PTPRD: variants seen among roughly 807,000 people sequenced by gnomAD.
The protein encoded by PTPRD is receptor-type tyrosine-protein phosphatase delta.
A neutral mutation model predicts 214.5 loss-of-function variants in PTPRD; 34 were observed. The observed-to-expected ratio is 0.16, with a 90% confidence interval of 0.12 to 0.21. PTPRD has a LOEUF of 0.21. PTPRD is among the 10% of genes least tolerant of loss of function. PTPRD has a pLI of 1.00. For missense variants in PTPRD, 2,545 were observed against 2,398.7 expected, an observed-to-expected ratio of 1.06 and a Z score of -1.27; for synonymous variants, 1,128 against 845.7, an observed-to-expected ratio of 1.33 and a Z score of -5.79.
At chr9:9,631,290 C>T (rs1285936188) in intron 7 of PTPRD, among the ~76,000 whole-genome samples, 1 of 150,402 alleles carries the variant, frequency 6.6e-6, no homozygotes, top group Non-Finnish European at 1.5e-5. Flanking sequence ...AATGTTACTC[C>T]TAGGTATAAA....
intron 2 of PTPRD, among the ~76,000 whole-genome samples, chr9:10,523,678 G>C (rs906791220): frequency 1.4e-5 from 2 of 146,122 alleles, no homozygotes; most frequent in African/African-American, 2.5e-5. Flanking sequence ...GAGAGAGAGA[G>C]AGAAAGCGGC....
chr9:10,410,684 A>T (rs760836644), intron 2 of PTPRD, among the ~76,000 whole-genome samples: 4 of 151,828 alleles, frequency 2.6e-5, no homozygotes, highest in Non-Finnish European at 4.4e-5. Flanking sequence ...AAATAATAAC[A>T]TTGATTCAGA....
At chr9:8,388,492 T>C (rs919256953) in intron 37 of PTPRD, among the ~76,000 whole-genome samples, 3 of 152,224 alleles carry the variant, frequency 2.0e-5, no homozygotes, top group African/African-American at 7.2e-5. Context: ...CTTCAGATGC[T>C]ACAAAATGTA....
intron 3 of PTPRD, among the ~76,000 whole-genome samples, chr9:10,278,350 AC>A (rs2094853199): frequency 6.6e-6 from 1 of 152,230 alleles, no homozygotes; most frequent in African/African-American, 2.4e-5. Context: ...ACAGGCTTCC[AC>A]AGCTTTCTGG....
In PTPRD at chr9:10,315,157, T is replaced by C. The variant is rs554826284; in HGVS notation, c.-545+25806A>G. Among the ~76,000 whole-genome samples the C allele has an allele frequency of 5.3e-5, 8 of 152,124 alleles. No homozygotes were observed. In the East Asian group the frequency reaches 1.6e-3, roughly 30 times the overall value. ...TATGATTCATTTTTTATATGAGAGATCTAGCATGAATGGCTTGATTATTAT... is the reference window on the plus strand; with the variant it reads ...TATGATTCATTTTTTATATGAGAGACCTAGCATGAATGGCTTGATTATTAT... On this transcript the variant is annotated intron_variant, in intron 3 of 45. Transcript: ENST00000381196.
chr9:9,761,377 A>G (rs1050412629), intron 6 of PTPRD, among the ~76,000 whole-genome samples: 1 of 152,178 alleles, frequency 6.6e-6, no homozygotes, highest in Admixed American at 6.5e-5. Context: ...AGTATTGTTT[A>G]GGAAGAGGGT....
intron 19 of PTPRD, among the ~76,000 whole-genome samples, chr9:8,522,553 G>A (rs1180940438): frequency 6.6e-6 from 1 of 152,054 alleles, no homozygotes; most frequent in Non-Finnish European, 1.5e-5. Context: ...TCAAATTGAG[G>A]GACACTGGAT....
At chr9:8,764,776 C>A (rs569861213) in intron 11 of PTPRD, among the ~76,000 whole-genome samples, 2 of 150,136 alleles carry the variant, frequency 1.3e-5, no homozygotes, top group East Asian at 3.9e-4. Context: ...GGATGGGCAA[C>A]AGAGAGTTTG....
intron 9 of PTPRD, among the ~76,000 whole-genome samples, chr9:9,279,003 T>G (rs1946679567): frequency 6.6e-6 from 1 of 151,174 alleles, no homozygotes; most frequent in Non-Finnish European, 1.5e-5. Context: ...AACAATAACC[T>G]GTCCGGAAAA....
intron 2 of PTPRD, among the ~76,000 whole-genome samples, chr9:10,444,510 T>C (rs1460918465): frequency 6.6e-6 from 1 of 151,868 alleles, no homozygotes; most frequent in African/African-American, 2.4e-5. Flanking sequence ...CATGTGATAT[T>C]ATTCTACTTT....
intron 3 of PTPRD, among the ~76,000 whole-genome samples, chr9:10,255,889 C>T (rs1213074081): frequency 6.6e-6 from 1 of 152,074 alleles, no homozygotes. Context: ...GGATTCATAA[C>T]CCCCAGGCCC....
intron 8 of PTPRD, among the ~76,000 whole-genome samples, chr9:9,444,911 C>G (rs1156690367): frequency 6.6e-6 from 1 of 152,106 alleles, no homozygotes; most frequent in South Asian, 2.1e-4. Flanking sequence ...ACTTTCTGAC[C>G]TATTTTCTCT....
chr9:9,460,005 C>G (rs1224532747), intron 8 of PTPRD, among the ~76,000 whole-genome samples: 1 of 152,022 alleles, frequency 6.6e-6, no homozygotes, highest in Non-Finnish European at 1.5e-5. Flanking sequence ...ACACATCGAT[C>G]AACAGAACGG....
intron 39 of PTPRD, among the ~76,000 whole-genome samples, chr9:8,356,722 CTCAGCTGCAGGCAGGCTGATT>C (rs938109724): frequency 1.3e-5 from 2 of 152,170 alleles, no homozygotes; most frequent in African/African-American, 4.8e-5. Context: ...TTCTACCAGA[CTCAGCTGCAGGCAGGCTGATT>C]TCCTTTCCTT....
At chr9:9,457,594 T>C (rs1245631064) in intron 8 of PTPRD, among the ~76,000 whole-genome samples, 1 of 152,052 alleles carries the variant, frequency 6.6e-6, no homozygotes, top group Non-Finnish European at 1.5e-5. Flanking sequence ...CATTTGTTCT[T>C]TTCTTCCTTT....
intron 13 of PTPRD, among the ~76,000 whole-genome samples, chr9:8,635,526 A>G (rs1407102407): frequency 6.6e-6 from 1 of 152,138 alleles, no homozygotes; most frequent in Non-Finnish European, 1.5e-5. Context: ...CCAATTTCCA[A>G]TGGCAAATTT....
At chr9:8,984,498 A>T (rs2099329455) in intron 11 of PTPRD, among the ~76,000 whole-genome samples, 1 of 152,092 alleles carries the variant, frequency 6.6e-6, no homozygotes, top group Non-Finnish European at 1.5e-5. Flanking sequence ...GGAAATTGAA[A>T]CCTAAATTAT....
intron 3 of PTPRD, among the ~76,000 whole-genome samples, chr9:10,079,678 C>T (rs944860601): frequency 6.6e-6 from 1 of 152,060 alleles, no homozygotes; most frequent in African/African-American, 2.4e-5. Flanking sequence ...CTGTTAAACC[C>T]CAAGATCTTT....
At chr9:9,982,834 T>G (rs1419331957) in intron 4 of PTPRD, among the ~76,000 whole-genome samples, 1 of 152,162 alleles carries the variant, frequency 6.6e-6, no homozygotes, top group Non-Finnish European at 1.5e-5. Context: ...TTTATAATGC[T>G]TTTCTGTTTT....
Sources: allele counts gnomAD v4.1 joint callset (sites outside exome capture counted in the v4.1 genomes callset), GRCh38; gene constraint gnomAD v4.1.1; transcripts MANE v1.5; gene names NCBI Gene and HGNC (gene_info 2026-07-23, HGNC 2026-07-21).